Variants in MCM10 observed in about 807,000 individuals in gnomAD.
The protein encoded by MCM10 is minichromosome maintenance 10 replication initiation factor.
In MCM10, 91 loss-of-function variants were observed where a neutral mutation model predicts 109.9. The ratio of observed to expected loss-of-function variants is 0.83; its 90% CI spans 0.70 to 0.99. The LOEUF is 0.99. Ranked by LOEUF, MCM10 falls within the 50% of genes least tolerant of loss-of-function variation. The probability of loss-of-function intolerance (pLI) is 0.00; values close to 1 mark genes in which losing one functional copy is unlikely to be tolerated. For synonymous variants in MCM10, 380 were observed against 387.2 expected, an observed-to-expected ratio of 0.98 and a Z score of 0.22; for missense variants, 1,077 against 1,061.2, an observed-to-expected ratio of 1.01 and a Z score of -0.21.
intron 10 of MCM10, among the ~76,000 whole-genome samples, chr10:13,190,496 C>T (rs1031950261): frequency 3.4e-5 from 5 of 148,820 alleles, no homozygotes; most frequent in Admixed American, 6.8e-5. Context: ...CCCGCCTGAG[C>T]GACATGGCAA....
chr10:13,191,315 C>G lies in MCM10; in HGVS notation c.1432C>G (p.Pro478Ala), dbSNP rs1297814204. The G allele has an allele frequency of 1.9e-6, 3 of 1,613,622 alleles. No individual in the cohort carries two copies. Among genetic ancestry groups the G allele is most frequent in the Non-Finnish European group, 2.5e-6 (3 of 1,179,624 alleles). Residue 478 changes from proline to alanine, a missense_variant, in exon 11 of 20, where the codon CCT (proline) becomes GCT (alanine). Physicochemically the swap from Pro to Ala is conservative, Grantham distance 27 (BLOSUM62 -1). Coordinates refer to ENST00000378714, the MANE Select transcript of MCM10 (RefSeq NM_018518.5). ...YAASIAAAVA[P>A]KKKIQTTLSN... Reference sequence around the variant, plus strand: ...TCATTTCAGTGCAGCAGCTGTGGCTCCTAAGAAGAAGATTCAAACCACTCT... The same window carrying G: ...TCATTTCAGTGCAGCAGCTGTGGCTGCTAAGAAGAAGATTCAAACCACTCT...
intron 8 of MCM10, among the ~76,000 whole-genome samples, chr10:13,184,183 G>C (rs939222577): frequency 1.3e-5 from 2 of 152,006 alleles, no homozygotes; most frequent in Non-Finnish European, 2.9e-5. Flanking sequence ...TGTAGAGACA[G>C]GGTTTCACTA....
intron 16 of MCM10, among the ~76,000 whole-genome samples, chr10:13,199,701 A>G (rs1489596186): frequency 6.6e-6 from 1 of 152,256 alleles, no homozygotes; most frequent in African/African-American, 2.4e-5. Flanking sequence ...TGGATTCATA[A>G]ATGCAGAGGC....
At chr10:13,173,006 T>C (rs1250736363) in intron 5 of MCM10, among the ~76,000 whole-genome samples, 2 of 152,106 alleles carry the variant, frequency 1.3e-5, no homozygotes, top group Non-Finnish European at 2.9e-5. Flanking sequence ...CCTAGGAGTT[T>C]GAGGCCAGGC....
intron 18 of MCM10, among the ~76,000 whole-genome samples, chr10:13,206,028 T>G (rs3802574): frequency 0.2 from 30,556 of 152,138 alleles, 3,135 homozygotes; most frequent in East Asian, 0.31. Context: ...CGTGCTCTTC[T>G]TACCCATTCT....
At position 13,183,105 on chromosome 10, in the gene MCM10, G is replaced by T. The variant is rs1201695498; in HGVS notation, c.1098+5G>T. ...CCCAAGGATGGTTCAGAGGAGGTAA[G>T]AGCCTGTTTCTGGGATTTGATTGAT... On this transcript the variant is annotated splice_donor_5th_base_variant and intron_variant, in intron 8 of 19. Coordinates refer to ENST00000378714, the MANE Select transcript of MCM10 (RefSeq NM_018518.5). The T allele has an allele frequency of 1.2e-6, 2 of 1,600,940 alleles. No individual in the cohort carries two copies. Among genetic ancestry groups the T allele is most frequent in the South Asian group, 2.3e-5 (2 of 88,876 alleles).
intron 6 of MCM10, among the ~76,000 whole-genome samples, chr10:13,178,814 C>A (rs1447380320): frequency 6.6e-6 from 1 of 152,196 alleles, no homozygotes; most frequent in African/African-American, 2.4e-5. Flanking sequence ...GACAGTTGAA[C>A]AACATTGATT....
intron 2 of MCM10, among the ~76,000 whole-genome samples, chr10:13,166,374 G>A (rs913892253): frequency 1.1e-4 from 16 of 151,988 alleles, no homozygotes; most frequent in African/African-American, 3.1e-4. Flanking sequence ...TGTGGCTCAC[G>A]CCTGTAATCC....
intron 9 of MCM10, among the ~76,000 whole-genome samples, chr10:13,186,871 A>G (rs1013913482): frequency 2.6e-5 from 4 of 152,138 alleles, no homozygotes; most frequent in African/African-American, 9.7e-5. Flanking sequence ...GGGCGCCTGT[A>G]GTTCCAGCTA....
chr10:13,203,382 T>C (rs1834525866), intron 17 of MCM10, among the ~76,000 whole-genome samples: 1 of 152,178 alleles, frequency 6.6e-6, no homozygotes, highest in Non-Finnish European at 1.5e-5. Flanking sequence ...AGGGTCCTTG[T>C]GATTCCATTG....
chr10:13,206,219 C>T (rs145469453), intron 18 of MCM10, among the ~76,000 whole-genome samples: 7 of 152,274 alleles, frequency 4.6e-5, no homozygotes, highest in East Asian at 1.9e-4. Context: ...TTGTAGGATG[C>T]GTCTGTGCTC....
In MCM10 at chr10:13,180,500, A is replaced by G. The variant is rs764013639; in HGVS notation, c.823A>G (p.Arg275Gly). The G allele has an allele frequency of 6.2e-7, 1 of 1,614,088 alleles. No individual in the cohort carries two copies. The highest frequency in any genetic ancestry group is 8.5e-7 in the Non-Finnish European group (1 of 1,180,014). ...GAAAATGACCGGCCGAAAACTGATC[A>G]GACTGTCTCAGATCAAGGAAAAGAT... Reference protein sequence around the residue: ...NKKMTGRKLIRLSQIKEKMAR... With the variant: ...NKKMTGRKLIGLSQIKEKMAR... The change falls in exon 7 of 20, where the codon AGA (arginine) becomes GGA (glycine). Residue 275 changes from arginine to glycine, a missense_variant. Coordinates refer to ENST00000378714, the MANE Select transcript of MCM10 (RefSeq NM_018518.5).
intron 6 of MCM10, among the ~76,000 whole-genome samples, chr10:13,177,155 A>G (rs1481056936): frequency 6.6e-6 from 1 of 152,176 alleles, no homozygotes; most frequent in East Asian, 1.9e-4. Flanking sequence ...TTTATTGCAC[A>G]TGTGAATCAG....
chr10:13,204,683 A>AT (rs1189118305), intron 18 of MCM10, among the ~76,000 whole-genome samples: 1 of 151,828 alleles, frequency 6.6e-6, no homozygotes, highest in South Asian at 2.1e-4. Flanking sequence ...TGCACATAAT[A>AT]TTTTTTTCCT....
At chr10:13,204,089 G>C in intron 17 of MCM10, 130 bp from the exon 18 acceptor site, 1 of 1,064,020 alleles carries the variant, frequency 9.4e-7, no homozygotes, top group Non-Finnish European at 1.3e-6. Context: ...AGGTGGCCCA[G>C]TCCCCTAGCA....
intron 2 of MCM10, among the ~76,000 whole-genome samples, chr10:13,168,364 G>C (rs1036325547): frequency 2.0e-5 from 3 of 152,174 alleles, no homozygotes; most frequent in African/African-American, 4.8e-5. Context: ...TTGGCTACTG[G>C]CTTTTTCCTT....
chr10:13,174,467 G>A (rs188849512), intron 5 of MCM10, among the ~76,000 whole-genome samples: 3 of 152,162 alleles, frequency 2.0e-5, no homozygotes, highest in Non-Finnish European at 2.9e-5. Context: ...TTCTGAAGGA[G>A]GTCTTGTCCT....
chr10:13,197,961 A>G lies in MCM10; in HGVS notation c.2119+194A>G, dbSNP rs550145735. ...TGGAGTCTTGCTCTGTTGCCAGGCT[A>G]GAGTGCAGTGGCGCAGTCTTGGCTC... On this transcript the variant is annotated intron_variant, in intron 15 of 19. Coordinates refer to ENST00000378714, the MANE Select transcript of MCM10 (RefSeq NM_018518.5). Among the ~76,000 whole-genome samples, 4 of 149,242 alleles carry G rather than the reference A, an allele frequency of 2.7e-5. No homozygotes were observed. The East Asian group carries it at 5.9e-4, about 22-fold the overall frequency.
At position 13,172,768 on chromosome 10, in the gene MCM10, G is replaced by A. The variant is rs955406807; in HGVS notation, c.592+3G>A. ...AACACCAAAGGCTTCACCTCCAGGT[G>A]TAGTACTTGCGGTCTCAGTATCTTG... On this transcript the variant is annotated splice_donor_region_variant and intron_variant, in intron 5 of 19. Coordinates refer to ENST00000378714, the MANE Select transcript of MCM10 (RefSeq NM_018518.5). The surrounding 1 kb of genome is among the most constrained non-coding windows in gnomAD (Gnocchi z 5.2). 1.2e-5 allele frequency: 20 copies of A among 1,613,884 alleles called. No homozygotes were observed. Among genetic ancestry groups the A allele is most frequent in the East Asian group, 2.2e-5 (1 of 44,894 alleles).
Sources: gnomAD v4.1 joint callset for allele counts (sites outside exome capture counted in the v4.1 genomes callset) on GRCh38, gnomAD v4.1.1 for gene constraint, Gnocchi (gnomAD v3.1) non-coding constraint, MANE v1.5 for transcripts, NCBI Gene and HGNC (gene_info 2026-07-23, HGNC 2026-07-21) for gene names.